The following CHRM3 variants were observed in gnomAD, a reference collection of about 807,000 sequenced individuals.
CHRM3 encodes muscarinic acetylcholine receptor M3.
A neutral mutation model predicts 41.8 loss-of-function variants in CHRM3; 11 were observed. The observed-to-expected ratio is 0.26, with a 90% CI of 0.17 to 0.44. CHRM3 has a LOEUF of 0.44. Among genes scored for constraint, CHRM3 ranks in the 20% least tolerant of loss-of-function variants. The pLI is 1.00. For missense variants in CHRM3, 571 were observed against 745.4 expected (o/e 0.77, Z 2.72); for synonymous variants, 297 against 301.4 (o/e 0.99, Z 0.15).
In CHRM3 at chr1:239,557,157, G is replaced by A. The variant is rs543365972; in HGVS notation, c.-313+11408G>A. Among the ~76,000 whole-genome samples, 8 of 152,200 alleles carry A rather than the reference G, an allele frequency of 5.3e-5. No individual in the cohort carries two copies. In the South Asian group the frequency reaches 6.2e-4, roughly 12 times the overall value. ...TGCCTGTGAAGTTGATCAAGGCAAC[G>A]TGATTGCATTGCTCCTGACACCTCT... On this transcript the variant is annotated intron_variant, in intron 3 of 6. Coordinates refer to ENST00000676153, the MANE Select transcript of CHRM3 (RefSeq NM_001375978.1).
At chr1:239,764,077 C>G (rs2148673184) in intron 5 of CHRM3, among the ~76,000 whole-genome samples, 1 of 149,764 alleles carries the variant, frequency 6.7e-6, no homozygotes, top group Non-Finnish European at 1.5e-5. Context: ...AGAGTGAGAT[C>G]CTATCTCCAA....
intron 1 of CHRM3, among the ~76,000 whole-genome samples, chr1:239,412,705 A>G (rs187781863): frequency 1.1e-4 from 16 of 152,186 alleles, no homozygotes; most frequent in African/African-American, 3.9e-4. Context: ...ATGGTTTTAT[A>G]GGATAAATGA....
chr1:239,661,759 A>G (rs1364679622), intron 4 of CHRM3, among the ~76,000 whole-genome samples: 1 of 152,178 alleles, frequency 6.6e-6, no homozygotes, highest in African/African-American at 2.4e-5. Context: ...GATTTGTCAA[A>G]ATCCACAGAA....
intron 6 of CHRM3, among the ~76,000 whole-genome samples, chr1:239,896,498 G>A (rs1017560160): frequency 7.9e-5 from 12 of 151,926 alleles, no homozygotes; most frequent in African/African-American, 2.9e-4. Context: ...TTCCTTTTTT[G>A]CTGGGTGGGT....
At chr1:239,496,508 C>T (rs1667889807) in intron 2 of CHRM3, among the ~76,000 whole-genome samples, 1 of 87,910 alleles carries the variant, frequency 1.1e-5, no homozygotes, top group Non-Finnish European at 2.3e-5. Context: ...GCTAGTAATT[C>T]TAGTGTGTGT....
chr1:239,401,696 T>A (rs935262829), intron 1 of CHRM3, among the ~76,000 whole-genome samples: 1 of 152,158 alleles, frequency 6.6e-6, no homozygotes, highest in Non-Finnish European at 1.5e-5. Flanking sequence ...TTTCACCATG[T>A]TGGCCAGGAT....
At chr1:239,847,602 T>C (rs10925993) in intron 6 of CHRM3, among the ~76,000 whole-genome samples, 4,854 of 152,236 alleles carry the variant, frequency 0.032, 267 homozygotes, top group African/African-American at 0.11. Flanking sequence ...GGCTCACACC[T>C]GTACTCCCAG....
At chr1:239,605,333 T>C (rs1232815426) in intron 3 of CHRM3, among the ~76,000 whole-genome samples, 1 of 152,212 alleles carries the variant, frequency 6.6e-6, no homozygotes, top group Non-Finnish European at 1.5e-5. Flanking sequence ...GTGTAACAAC[T>C]GCCTACAGTA....
rs190229162 is a variant in CHRM3, at chr1:239,482,604, G to A, written c.-520-10105G>A. Among the ~76,000 whole-genome samples the A allele has an allele frequency of 3.9e-5, 6 of 152,200 alleles. No individual in the cohort carries two copies. The East Asian group carries it at 1.2e-3, about 29-fold the overall frequency. ...TTATTAATATACCACTGCCTCCAGG[G>A]AGCCTTCTCTGACTTCCCATACCTA... On this transcript the variant is annotated intron_variant, in intron 1 of 6. Transcript: ENST00000676153.
chr1:239,664,600 C>T (rs1006430570), intron 4 of CHRM3, among the ~76,000 whole-genome samples: 2 of 152,104 alleles, frequency 1.3e-5, no homozygotes, highest in African/African-American at 2.4e-5. Flanking sequence ...TAGTCTCATA[C>T]GAAGACTGTG....
chr1:239,604,875 T>G (rs368537809), intron 3 of CHRM3, among the ~76,000 whole-genome samples: 9 of 152,336 alleles, frequency 5.9e-5, no homozygotes, highest in Middle Eastern at 3.4e-3. Flanking sequence ...TTCTTGGTTG[T>G]TTAATTTCAG....
chr1:239,868,039 G>A (rs995563681), intron 6 of CHRM3, among the ~76,000 whole-genome samples: 7 of 152,312 alleles, frequency 4.6e-5, no homozygotes, highest in African/African-American at 9.6e-5. Context: ...AAAGCCCACT[G>A]CAAGTGTGCC....
At chr1:239,640,236 A>T (rs546788656) in intron 4 of CHRM3, among the ~76,000 whole-genome samples, 43 of 152,030 alleles carry the variant, frequency 2.8e-4, no homozygotes, top group Middle Eastern at 3.4e-3. Context: ...CTTTTTTGGT[A>T]GTGTCTCTGC....
At chr1:239,643,900 C>T (rs373585903) in intron 4 of CHRM3, among the ~76,000 whole-genome samples, 12 of 152,272 alleles carry the variant, frequency 7.9e-5, no homozygotes, top group African/African-American at 2.4e-4. Context: ...TGTTCCTATT[C>T]GGCCATCTTC....
At chr1:239,693,335 C>G (rs188196083) in intron 5 of CHRM3, among the ~76,000 whole-genome samples, 1 of 152,196 alleles carries the variant, frequency 6.6e-6, no homozygotes, top group African/African-American at 2.4e-5. Context: ...GGTAATAAAG[C>G]ATAAATGAGG....
chr1:239,634,973 T>G (rs1670300034), intron 4 of CHRM3, among the ~76,000 whole-genome samples: 1 of 152,252 alleles, frequency 6.6e-6, no homozygotes, highest in South Asian at 2.1e-4. Flanking sequence ...CTTACCTCCT[T>G]GGGTCTCCAT....
chr1:239,864,436 GGCGGAGGTT>G (rs1162414429), intron 6 of CHRM3, among the ~76,000 whole-genome samples: 9 of 152,124 alleles, frequency 5.9e-5, no homozygotes, highest in African/African-American at 2.2e-4. Flanking sequence ...GAATCTGGGA[GGCGGAGGTT>G]GCGGTGAGCC....
intron 1 of CHRM3, among the ~76,000 whole-genome samples, chr1:239,461,068 C>T (rs372881494): frequency 6.6e-6 from 1 of 152,174 alleles, no homozygotes; most frequent in East Asian, 1.9e-4. Context: ...GCCAACATGA[C>T]GGGGTCCATG....
chr1:239,511,319 G>A (rs575203377), intron 2 of CHRM3, among the ~76,000 whole-genome samples: 9 of 152,260 alleles, frequency 5.9e-5, no homozygotes, highest in African/African-American at 1.7e-4. Context: ...ATTGTTTCCA[G>A]TTTTCTTGTA....
Sources: gnomAD v4.1 joint callset for allele counts (sites outside exome capture counted in the v4.1 genomes callset) on GRCh38, gnomAD v4.1.1 for gene constraint, MANE v1.5 for transcripts, NCBI Gene and HGNC (gene_info 2026-07-23, HGNC 2026-07-21) for gene names.